The following MRTO4 variants were observed in gnomAD, a reference collection of about 807,000 sequenced individuals.
MRTO4 encodes the protein MRT4 homolog, ribosome maturation factor, also known as mRNA turnover protein 4 homolog.
MRTO4 carries 7 observed loss-of-function variants against 28.6 expected under a neutral mutation model. The observed-to-expected ratio is 0.24, with a 90% confidence interval of 0.14 to 0.46. The LOEUF (loss-of-function observed/expected upper bound fraction) is 0.46, where lower values mean the gene tolerates loss of function less well. Among genes scored for constraint, MRTO4 ranks in the 20% least tolerant of loss-of-function variants. The pLI is 0.99. For synonymous variants in MRTO4, 113 were observed against 108.2 expected (o/e 1.04, Z -0.27); for missense variants, 302 against 298.3 (o/e 1.01, Z -0.09).
chr1:19,252,922 G>A (rs2093664918), intron 1 of MRTO4, among the ~76,000 whole-genome samples: 1 of 152,130 alleles, frequency 6.6e-6, no homozygotes, highest in South Asian at 2.1e-4. Flanking sequence ...TTACAGGCGT[G>A]AGCCACTACA....
rs747753857 is a variant in MRTO4 at position 19,258,569 on chromosome 1, T to C, written c.570+16T>C. ...TCGCGTCCTGGTGAGTCTGGCGCCT[T>C]GCGGGCTGTTGCGGGCGGGGTTGCT... On this transcript the variant is annotated intron_variant, in intron 7 of 7. Transcript: ENST00000330263. 5 of 1,613,900 alleles carry C rather than the reference T, an allele frequency of 3.1e-6. No homozygotes were observed. Among genetic ancestry groups the C allele is most frequent in the Middle Eastern group, 1.6e-4 (1 of 6,084 alleles).
chr1:19,251,927 G>A, intron 1 of MRTO4, 64 bp downstream of exon 1: 1 of 1,550,642 alleles, frequency 6.4e-7, no homozygotes, highest in Admixed American at 2.0e-5. Flanking sequence ...AGCCTGCGGT[G>A]AGGGCTTCGG....
intron 4 of MRTO4, 74 bp downstream of exon 4, chr1:19,257,219 TC>T: frequency 1.3e-6 from 2 of 1,500,674 alleles, no homozygotes; most frequent in Non-Finnish European, 1.8e-6. Flanking sequence ...TGTGACAGCC[TC>T]CCCCAGCCAT....
At chr1:19,256,548 C>A (rs1350692740) in intron 3 of MRTO4, among the ~76,000 whole-genome samples, 1 of 152,208 alleles carries the variant, frequency 6.6e-6, no homozygotes, top group Non-Finnish European at 1.5e-5. Context: ...CTCCTAGGGG[C>A]AGGACTTGGC....
At chr1:19,253,044 C>G (rs937772432) in intron 1 of MRTO4, among the ~76,000 whole-genome samples, 10 of 152,310 alleles carry the variant, frequency 6.6e-5, no homozygotes, top group African/African-American at 2.2e-4. Flanking sequence ...CTGGCACTTT[C>G]TAGGCGTTAG....
In MRTO4 at chr1:19,257,958, T is replaced by C. The variant is rs777341550; in HGVS notation, c.467T>C (p.Leu156Pro). Residue 156 changes from leucine (L) to proline (P), a missense_variant, in exon 6 of 8, where the codon CTG becomes CCG. Leu to Pro is a moderately conservative substitution (Grantham distance 98, BLOSUM62 -3). Coordinates refer to ENST00000330263, the MANE Select transcript of MRTO4 (RefSeq NM_016183.4). ...PHSMEPQLRQ[L>P]GLPTALKRGV... ...TCCATGGAGCCACAGCTCAGGCAGC[T>C]GGGCCTGCCCACCGCCCTCAAGAGA... is the stretch of plus-strand genomic sequence containing the variant. The C allele has an allele frequency of 1.6e-5, 26 of 1,613,838 alleles. No homozygotes were observed. Among genetic ancestry groups the C allele is most frequent in the Non-Finnish European group, 2.0e-5 (24 of 1,180,038 alleles).
intron 6 of MRTO4, 107 bp downstream of exon 6, chr1:19,258,091 T>C: frequency 7.1e-7 from 1 of 1,402,954 alleles, no homozygotes; most frequent in Non-Finnish European, 9.5e-7. Context: ...AGCTTCCATT[T>C]TCTCATGAGA....
intron 3 of MRTO4, 56 bp from the exon 4 acceptor site, chr1:19,257,008 G>T: frequency 6.4e-7 from 1 of 1,563,910 alleles, no homozygotes; most frequent in South Asian, 1.1e-5. Flanking sequence ...ATGTTGCTGA[G>T]GGATGGGGAG....
At position 19,256,028 on chromosome 1, in the gene MRTO4, C is replaced by T. The variant is rs764284317; in HGVS notation, c.168C>T (p.Ile56=). 1 of 1,613,982 alleles carries T rather than the reference C, an allele frequency of 6.2e-7. No homozygotes were observed. Among genetic ancestry groups the T allele is most frequent in the Non-Finnish European group, 8.5e-7 (1 of 1,180,038 alleles). ...ANMRNSKLKD[I]RNAWKHSRMF... is the part of the protein sequence containing the mutation. ...TGAGGAACAGCAAGCTGAAGGACAT[C>T]CGGAACGCCTGGAAGCACAGCCGGT... Residue 56 remains isoleucine (I), a synonymous_variant, in exon 3 of 8, where the codon ATC becomes ATT. Coordinates refer to ENST00000330263, the MANE Select transcript of MRTO4 (RefSeq NM_016183.4).
In MRTO4 at chr1:19,258,531, C is replaced by T. The variant is rs1346876109; in HGVS notation, c.548C>T (p.Thr183Ile). The T allele has an allele frequency of 6.2e-7, 1 of 1,614,096 alleles. No individual in the cohort carries two copies. The highest frequency in any genetic ancestry group is 2.2e-5 in the East Asian group (1 of 44,890). The change falls in exon 7 of 8, where the codon ACC (threonine) becomes ATC (isoleucine). Residue 183 changes from threonine to isoleucine, a missense_variant. Transcript: ENST00000330263. ...YEVCKEGDVL[T>I]PEQARVLKLF... ...GTGTGCAAGGAGGGCGATGTGCTGA[C>T]CCCAGAGCAGGCTCGCGTCCTGGTG... is the stretch of plus-strand genomic sequence containing the variant.
chr1:19,253,848 C>G lies in MRTO4; in HGVS notation c.29-934C>G, dbSNP rs181023462. Among the ~76,000 whole-genome samples, 274 of 152,280 alleles carry G rather than the reference C, an allele frequency of 1.8e-3. 2 individuals carry two copies. Among genetic ancestry groups the G allele is most frequent in the African/African-American group, 6.5e-3 (270 of 41,560 alleles). ...TAAGTGTTTCTGGAACGATTTGATT[C>G]TGTGGAGGGGCCTGGGTCAGGTCTG... On this transcript the variant is annotated intron_variant, in intron 1 of 7. Transcript: ENST00000330263.
At position 19,251,862 on chromosome 1, in the gene MRTO4, A is replaced by C; in HGVS notation, c.27A>C (p.Lys9Asn). The change falls in exon 1 of 8, where the codon AAA becomes AAC. Residue 9 changes from lysine to asparagine, a missense_variant and splice_region_variant. Coordinates refer to ENST00000330263, the MANE Select transcript of MRTO4 (RefSeq NM_016183.4). MPKSKRDKKVSLTKTAKKG... is the reference protein window; with the variant it reads MPKSKRDKNVSLTKTAKKG... ...TGCCCAAATCCAAGCGCGACAAGAA[A>C]GGTGGGCGAAGGGGGAGTCGGGACC... 6.3e-7 allele frequency: 1 copy of C among 1,591,618 alleles called. No individual in the cohort carries two copies. Among genetic ancestry groups the C allele is most frequent in the Non-Finnish European group, 8.5e-7 (1 of 1,169,712 alleles).
intron 1 of MRTO4, 73 bp from the exon 2 acceptor site, chr1:19,254,709 G>A: frequency 7.9e-7 from 1 of 1,264,282 alleles, no homozygotes; most frequent in Non-Finnish European, 1.2e-6. Context: ...CTCTGCCAAA[G>A]GGGAGAAGAA....
chr1:19,257,187 G>A (rs550491998), intron 4 of MRTO4, 42 bp downstream of exon 4: 6 of 1,589,804 alleles, frequency 3.8e-6, no homozygotes, highest in African/African-American at 2.7e-5. Flanking sequence ...AGGCAAAGCC[G>A]CCCTCTCTCC....
intron 4 of MRTO4, 76 bp downstream of exon 4, chr1:19,257,221 C>G: frequency 6.7e-7 from 1 of 1,497,560 alleles, no homozygotes. Flanking sequence ...TGACAGCCTC[C>G]CCCAGCCATT....
rs1158091502 is a variant in MRTO4 at position 19,259,833 on chromosome 1, T to C, written c.*1003T>C. The C allele has an allele frequency of 1.3e-5, 2 of 152,262 alleles. No individual in the cohort carries two copies. The highest frequency in any genetic ancestry group is 4.8e-5 in the African/African-American group (2 of 41,464). The allele number at this position is 152,262 out of a possible 1,614,324, so 9.4% of individuals were successfully genotyped here. A position where few individuals can be genotyped will look rare whatever the true frequency, so the allele number is the denominator to read the frequency against. On this transcript the variant is annotated 3_prime_UTR_variant, in exon 8 of 8. Transcript: ENST00000330263. Reference sequence around the variant, plus strand: ...AAGAGTTGAGAGCCAGCGTCTAAAGTGTCCACGGCATCCTGGGAGGTTTTA... The same window carrying C: ...AAGAGTTGAGAGCCAGCGTCTAAAGCGTCCACGGCATCCTGGGAGGTTTTA...
At chr1:19,257,549 A>G (rs1404608640) in intron 5 of MRTO4, 28 bp downstream of exon 5, 5 of 1,613,124 alleles carry the variant, frequency 3.1e-6, no homozygotes, top group Non-Finnish European at 4.2e-6. Flanking sequence ...ACGGAGGGAA[A>G]GAGGCGGGTG....
In MRTO4 at chr1:19,257,876, A is replaced by G; in HGVS notation, c.385A>G (p.Asn129Asp). The G allele has an allele frequency of 6.2e-7, 1 of 1,614,006 alleles. No individual in the cohort carries two copies. The highest frequency in any genetic ancestry group is 1.3e-5 in the African/African-American group (1 of 75,050). Residue 129 changes from asparagine to aspartate, a missense_variant, in exon 6 of 8, where the codon AAC becomes GAC. Coordinates refer to ENST00000330263, the MANE Select transcript of MRTO4 (RefSeq NM_016183.4). ...YTEMDYARAG[N>D]KAAFTVSLDP... ...AGAAATGGACTACGCCCGAGCTGGT[A>G]ACAAAGCAGCTTTCACTGTGAGCCT...
At chr1:19,257,759 C>T (rs1185898936) in intron 5 of MRTO4, 74 bp from the exon 6 acceptor site, 2 of 1,573,340 alleles carry the variant, frequency 1.3e-6, no homozygotes, top group African/African-American at 1.3e-5. Flanking sequence ...CCACGGGACA[C>T]TTGGGGGAGC....
Sources: allele counts gnomAD v4.1 joint callset (sites outside exome capture counted in the v4.1 genomes callset), GRCh38; gene constraint gnomAD v4.1.1; transcripts MANE v1.5; gene names NCBI Gene and HGNC (gene_info 2026-07-23, HGNC 2026-07-21).